Variants in FBXL13 observed in about 807,000 individuals in gnomAD.
FBXL13 encodes the protein F-box and leucine rich repeat protein 13, also known as F-box and leucine-rich repeat protein 13.
In FBXL13, 67 loss-of-function variants were observed where a neutral mutation model predicts 83.6. The observed-to-expected ratio is 0.80, with a 90% CI of 0.66 to 0.98. The LOEUF is 0.98. Among genes scored for constraint, FBXL13 ranks in the 50% least tolerant of loss-of-function variants. FBXL13 has a pLI of 0.00. For synonymous variants in FBXL13, 272 were observed against 299.5 expected (o/e 0.91, Z 0.95); for missense variants, 822 against 866.5 (o/e 0.95, Z 0.64).
At chr7:102,993,347 G>A (rs1315342658) in intron 6 of FBXL13, among the ~76,000 whole-genome samples, 1 of 152,176 alleles carries the variant, frequency 6.6e-6, no homozygotes, top group African/African-American at 2.4e-5. Context: ...TTCCCCAAGT[G>A]AGAAAATGAG....
chr7:102,993,736 G>A (rs970959277), intron 6 of FBXL13, among the ~76,000 whole-genome samples: 2 of 152,124 alleles, frequency 1.3e-5, no homozygotes, highest in Non-Finnish European at 2.9e-5. Flanking sequence ...ATTTCCTAAC[G>A]GGTAAATGAT....
chr7:103,049,777 G>C (rs187775316), intron 2 of FBXL13, among the ~76,000 whole-genome samples: 34 of 152,288 alleles, frequency 2.2e-4, no homozygotes, highest in African/African-American at 8.2e-4. Context: ...ACTTTAGCCA[G>C]GCCAAAGAGC....
At chr7:102,934,781 G>A (rs765269028) in intron 8 of FBXL13, 111 of 1,106,706 alleles carry the variant, frequency 1.0e-4, no homozygotes, top group Non-Finnish European at 1.4e-4. Flanking sequence ...CTTGGAATTC[G>A]TGATGTCACT....
chr7:102,973,677 C>G, intron 6 of FBXL13: 1 of 766,442 alleles, frequency 1.3e-6, no homozygotes. Context: ...ACCCCTCCGC[C>G]CCAGAAAGCA....
intron 16 of FBXL13, among the ~76,000 whole-genome samples, chr7:102,867,693 A>ATTTT (rs1396279645): frequency 2.1e-4 from 14 of 66,488 alleles, no homozygotes; most frequent in African/African-American, 1.1e-3. Context: ...ATATATATAT[A>ATTTT]TATTTTTTTT....
intron 11 of FBXL13, among the ~76,000 whole-genome samples, chr7:102,902,948 T>C (rs1813151320): frequency 6.6e-6 from 1 of 151,428 alleles, no homozygotes. Flanking sequence ...TTTTTTTTTC[T>C]ATTTCTGTGA....
intron 8 of FBXL13, among the ~76,000 whole-genome samples, chr7:102,956,335 C>T (rs570863867): frequency 6.6e-6 from 1 of 152,104 alleles, no homozygotes; most frequent in Non-Finnish European, 1.5e-5. Flanking sequence ...ATTCAACAGC[C>T]CTTCATGCTA....
chr7:102,929,942 C>A (rs1014387803), intron 9 of FBXL13, among the ~76,000 whole-genome samples: 1 of 150,566 alleles, frequency 6.6e-6, no homozygotes, highest in Non-Finnish European at 1.5e-5. Flanking sequence ...TATTAAAGGT[C>A]AATAAACAAA....
intron 10 of FBXL13, among the ~76,000 whole-genome samples, chr7:102,921,246 C>T (rs935261278): frequency 2.0e-5 from 3 of 152,196 alleles, no homozygotes; most frequent in Non-Finnish European, 4.4e-5. Context: ...AAACATGATG[C>T]TTACTAACCT....
intron 8 of FBXL13, among the ~76,000 whole-genome samples, chr7:102,959,309 TTCTTCCCC>T (rs1824801053): frequency 2.0e-5 from 3 of 152,074 alleles, no homozygotes; most frequent in Admixed American, 6.6e-5. Flanking sequence ...CCTTGTGCAC[TTCTTCCCC>T]ATTCCATTAA....
In FBXL13 at chr7:102,821,980, A is replaced by G. The variant is rs1275125453; in HGVS notation, c.2018+60T>C. On this transcript the variant is annotated intron_variant, in intron 19 of 19. Transcript: ENST00000313221. ...TATGTATTATGAACCTTATAGCCAT[A>G]TACTATGTTTTCTCAGAAAGTAGTT... is the stretch of plus-strand genomic sequence containing the variant. 4.6e-6 allele frequency: 7 copies of G among 1,535,702 alleles called. No homozygotes were observed. The East Asian group carries it at 1.3e-4, about 30-fold the overall frequency.
intron 6 of FBXL13, chr7:102,973,382 C>T (rs1472817799): frequency 4.4e-6 from 3 of 683,596 alleles, no homozygotes; most frequent in East Asian, 2.8e-5. Flanking sequence ...ACACGTACCC[C>T]TGAAGATCGA....
At chr7:103,062,036 A>AC (rs1387000193) in intron 1 of FBXL13, among the ~76,000 whole-genome samples, 5 of 151,154 alleles carry the variant, frequency 3.3e-5, no homozygotes, top group South Asian at 2.1e-4. Context: ...AAAAAAAAAA[A>AC]AAAAAAAACA....
At chr7:102,977,309 C>G (rs1016091847) in intron 6 of FBXL13, among the ~76,000 whole-genome samples, 1 of 152,136 alleles carries the variant, frequency 6.6e-6, no homozygotes, top group Non-Finnish European at 1.5e-5. Flanking sequence ...AACAAATGTG[C>G]GTGGCAATTT....
chr7:102,865,445 T>C (rs1477155489), intron 16 of FBXL13, among the ~76,000 whole-genome samples: 2 of 152,102 alleles, frequency 1.3e-5, no homozygotes, highest in African/African-American at 4.8e-5. Flanking sequence ...GATCTTCCCT[T>C]TTCTACTCTA....
intron 6 of FBXL13, among the ~76,000 whole-genome samples, chr7:103,003,279 T>G (rs1252546342): frequency 1.8e-5 from 1 of 55,006 alleles, no homozygotes; most frequent in South Asian, 5.4e-4. Context: ...TGTTTTGGGG[T>G]TTTTTTTTTT....
chr7:103,056,794 C>G (rs1413883563), intron 1 of FBXL13, among the ~76,000 whole-genome samples: 1 of 151,952 alleles, frequency 6.6e-6, no homozygotes, highest in Admixed American at 6.6e-5. Flanking sequence ...GAAGTGTTCC[C>G]TTTTCACTGC....
chr7:102,932,296 GAACATTT>G (rs1405513860), intron 8 of FBXL13, among the ~76,000 whole-genome samples: 1 of 151,996 alleles, frequency 6.6e-6, no homozygotes, highest in Non-Finnish European at 1.5e-5. Context: ...ATTTTATTAT[GAACATTT>G]TCAAACATAC....
chr7:102,873,482 TA>T lies in FBXL13; in HGVS notation c.1635+3984del, dbSNP rs1379695934. ...AACTGTGCTGACTTTGCTACATGCTTACTGCCCTCTCCCTAACACAGGCGTT... is the reference window on the plus strand; with the variant it reads ...AACTGTGCTGACTTTGCTACATGCTTCTGCCCTCTCCCTAACACAGGCGTT... On this transcript the variant is annotated intron_variant, in intron 16 of 19. Transcript: ENST00000313221. Among the ~76,000 whole-genome samples the T allele has an allele frequency of 2.0e-5, 3 of 152,334 alleles. No homozygotes were observed. In the Middle Eastern group the frequency reaches 0.01, roughly 518 times the overall value.
Sources: allele counts gnomAD v4.1 joint callset (sites outside exome capture counted in the v4.1 genomes callset), GRCh38; gene constraint gnomAD v4.1.1; transcripts MANE v1.5; gene names NCBI Gene and HGNC (gene_info 2026-07-23, HGNC 2026-07-21).